FYTTD1: variants seen among roughly 807,000 people sequenced by gnomAD.
FYTTD1 encodes the protein UAP56-interacting factor.
FYTTD1 carries 22 observed loss-of-function variants against 40.9 expected under a neutral mutation model. That is an observed-to-expected ratio of 0.54 (90% CI 0.38 to 0.77). FYTTD1 has a LOEUF of 0.77. FYTTD1 is among the 30% of genes least tolerant of loss of function. The pLI is 0.00. For missense variants in FYTTD1, 351 were observed against 392.2 expected, an observed-to-expected ratio of 0.90 and a Z score of 0.89; for synonymous variants, 140 against 137.9, an observed-to-expected ratio of 1.01 and a Z score of -0.10.
intron 2 of FYTTD1, among the ~76,000 whole-genome samples, chr3:197,764,463 A>G (rs902911275): frequency 6.6e-6 from 1 of 152,214 alleles, no homozygotes; most frequent in African/African-American, 2.4e-5. Flanking sequence ...TAATCCCAGC[A>G]CTTTGGGAGG....
chr3:197,781,688 A>C, intron 8 of FYTTD1, 123 bp from the exon 9 acceptor site: 1 of 645,860 alleles, frequency 1.5e-6, no homozygotes, highest in South Asian at 2.2e-5. Flanking sequence ...TATTTAGGAA[A>C]TTTTAGCTGT....
intron 8 of FYTTD1, among the ~76,000 whole-genome samples, chr3:197,781,553 C>T (rs1460848726): frequency 1.3e-5 from 2 of 152,032 alleles, no homozygotes; most frequent in African/African-American, 4.8e-5. Flanking sequence ...GAGTTGGTGG[C>T]AGTGTTTACA....
intron 4 of FYTTD1, among the ~76,000 whole-genome samples, chr3:197,770,499 TGG>T (rs974678403): frequency 6.6e-6 from 1 of 152,216 alleles, no homozygotes; most frequent in African/African-American, 2.4e-5. Context: ...CTTTGACATA[TGG>T]AATAAAATTG....
At chr3:197,773,606 C>A in intron 5 of FYTTD1, 107 bp downstream of exon 5, 1 of 644,488 alleles carries the variant, frequency 1.6e-6, no homozygotes, top group South Asian at 1.9e-5. Flanking sequence ...GCATTGGGTT[C>A]AGGATGTGAG....
intron 2 of FYTTD1, among the ~76,000 whole-genome samples, chr3:197,760,872 T>C (rs1729363713): frequency 6.7e-6 from 1 of 148,960 alleles, no homozygotes; most frequent in African/African-American, 2.6e-5. Context: ...ATAGAATTGT[T>C]CTTCAGTGGT....
chr3:197,769,922 G>A (rs368224188), intron 3 of FYTTD1, among the ~76,000 whole-genome samples: 4 of 152,044 alleles, frequency 2.6e-5, no homozygotes, highest in South Asian at 4.1e-4. Context: ...TGGGTCCCCC[G>A]AGTACCTCAC....
intron 2 of FYTTD1, among the ~76,000 whole-genome samples, chr3:197,764,663 C>T (rs1184315603): frequency 7.0e-6 from 1 of 142,950 alleles, no homozygotes; most frequent in African/African-American, 2.6e-5. Flanking sequence ...GAGCCGAGAT[C>T]GCGCCGCTAC....
chr3:197,772,146 CCAT>C (rs1303285998), intron 4 of FYTTD1, among the ~76,000 whole-genome samples: 2 of 152,060 alleles, frequency 1.3e-5, no homozygotes, highest in Admixed American at 6.6e-5. Context: ...GCAGTTTTAA[CCAT>C]CATCTTTTGG....
intron 1 of FYTTD1, among the ~76,000 whole-genome samples, chr3:197,754,526 T>A (rs1381885081): frequency 6.6e-6 from 1 of 152,156 alleles, no homozygotes; most frequent in Non-Finnish European, 1.5e-5. Context: ...ACAAAAAAAT[T>A]GAGTTTAATT....
rs549510461 is a variant in FYTTD1 at position 197,766,897 on chromosome 3, T to A, written c.236-1542T>A. Among the ~76,000 whole-genome samples, 3 of 152,258 alleles carry A rather than the reference T, an allele frequency of 2.0e-5. 1 individual carries two copies. In the South Asian group the frequency reaches 6.2e-4, roughly 32 times the overall value. On this transcript the variant is annotated intron_variant, in intron 2 of 8. Coordinates refer to ENST00000241502, the MANE Select transcript of FYTTD1 (RefSeq NM_032288.7). ...TAGTCTTGAGTTGCTTAAAAATAGT[T>A]AAAACCAAAAATGTTAACTTTTAAA...
chr3:197,782,383 G>GTTCTGT lies in FYTTD1; in HGVS notation c.*474_*475insTTCTGT. 1.3e-5 allele frequency: 2 copies of GTTCTGT among 152,222 alleles called. No homozygotes were observed. Among genetic ancestry groups the GTTCTGT allele is most frequent in the Non-Finnish European group, 2.9e-5 (2 of 68,098 alleles). The allele number at this position is 152,222 out of a possible 1,614,324, so 9.4% of individuals were successfully genotyped here. A position where few individuals can be genotyped will look rare whatever the true frequency, so the allele number is the denominator to read the frequency against. ...TTGCCTTTTCTTCATTAGAGACACA[G>GTTCTGT]AACAATGTATTAGAATTTCCAGCTG... On this transcript the variant is annotated 3_prime_UTR_variant, in exon 9 of 9. Coordinates refer to ENST00000241502, the MANE Select transcript of FYTTD1 (RefSeq NM_032288.7).
chr3:197,787,355 C>CT lies in FYTTD1; in HGVS notation c.*5447dup, dbSNP rs1258203505. 3.3e-5 allele frequency: 5 copies of CT among 152,290 alleles called. No individual in the cohort carries two copies. Among genetic ancestry groups the CT allele is most frequent in the African/African-American group, 1.2e-4 (5 of 41,432 alleles). The allele number at this position is 152,290 out of a possible 1,614,324, so 9.4% of individuals were successfully genotyped here. A position where few individuals can be genotyped will look rare whatever the true frequency, so the allele number is the denominator to read the frequency against. On this transcript the variant is annotated 3_prime_UTR_variant, in exon 9 of 9. Transcript: ENST00000241502. ...CTGACCTCAGGTGATATGCCCGCCT[C>CT]TGACTCCCAAAGTGCTGGGATTACA...
Position 197,770,216 on chromosome 3 carries a change from C to A in FYTTD1, c.469C>A (p.Leu157Ile), listed in dbSNP as rs1179390070. ...AGGGCAGAGGAAACCAGTAGCAGTT[C>A]TCAAGAGACCTAGCCAGCTAAGCAG... ...NEGQRKPVAVLKRPSQLSRKN... is the reference protein window; with the variant it reads ...NEGQRKPVAVIKRPSQLSRKN... The change falls in exon 4 of 9, where the codon CTC (leucine) becomes ATC (isoleucine). Residue 157 changes from leucine (L) to isoleucine (I), a missense_variant. Physicochemically the swap from Leu to Ile is conservative, Grantham distance 5. Transcript: ENST00000241502. The A allele has an allele frequency of 6.2e-7, 1 of 1,611,398 alleles. No individual in the cohort carries two copies. Among genetic ancestry groups the A allele is most frequent in the Non-Finnish European group, 8.5e-7 (1 of 1,178,090 alleles).
At chr3:197,761,598 G>T (rs1252034153) in intron 2 of FYTTD1, among the ~76,000 whole-genome samples, 1 of 152,162 alleles carries the variant, frequency 6.6e-6, no homozygotes, top group African/African-American at 2.4e-5. Context: ...TTGTTCTTCA[G>T]TGTTAGAATG....
intron 3 of FYTTD1, 135 bp from the exon 4 acceptor site, chr3:197,769,993 GTTGT>G (rs894259710): frequency 8.9e-5 from 55 of 616,844 alleles, no homozygotes; most frequent in African/African-American, 8.0e-4. Flanking sequence ...ACAGTTTCAA[GTTGT>G]TTGTTTCTCC....
chr3:197,787,022 C>G lies in FYTTD1; in HGVS notation c.*5113C>G, dbSNP rs933618479. 1.3e-5 allele frequency: 2 copies of G among 151,966 alleles called. No homozygotes were observed. Among genetic ancestry groups the G allele is most frequent in the African/African-American group, 4.8e-5 (2 of 41,360 alleles). 9.4% of individuals were successfully genotyped at this position (151,966 alleles called of 1,614,324 possible). ...CCATGTTGGCCAGGCTGGTCTCGAA[C>G]TCCTACCCTCAGGAGATCTGCCTGC... On this transcript the variant is annotated 3_prime_UTR_variant, in exon 9 of 9. Transcript: ENST00000241502.
intron 2 of FYTTD1, among the ~76,000 whole-genome samples, chr3:197,764,657 C>T (rs1006700892): frequency 4.1e-5 from 6 of 147,200 alleles, no homozygotes; most frequent in Admixed American, 6.9e-5. Flanking sequence ...TGCAGTGAGC[C>T]GAGATCGCGC....
chr3:197,749,979 G>C lies in FYTTD1; in HGVS notation c.8G>C (p.Arg3Pro), dbSNP rs866742144. ...GGCGCGACGTCTCCAGCCATGAACC[G>C]GTTTGGTACCCGGTTGGTGGGAGCC... Reference protein sequence around the residue: MNRFGTRLVGATA... With the variant: MNPFGTRLVGATA... Residue 3 changes from arginine (R) to proline (P), a missense_variant, in exon 1 of 9, where the codon CGG (arginine) becomes CCG (proline). Arg to Pro is a moderately radical substitution (Grantham distance 103). Transcript: ENST00000241502. 1 of 1,581,112 alleles carries C rather than the reference G, an allele frequency of 6.3e-7. No homozygotes were observed. The highest frequency in any genetic ancestry group is 8.6e-7 in the Non-Finnish European group (1 of 1,165,664).
chr3:197,774,999 A>G (rs1391029886), intron 6 of FYTTD1, among the ~76,000 whole-genome samples: 1 of 152,212 alleles, frequency 6.6e-6, no homozygotes, highest in Non-Finnish European at 1.5e-5. Context: ...CGATATTGTA[A>G]CAGTTTTAGT....
Sources: allele counts gnomAD v4.1 joint callset (sites outside exome capture counted in the v4.1 genomes callset), GRCh38; gene constraint gnomAD v4.1.1; transcripts MANE v1.5; gene names NCBI Gene and HGNC (gene_info 2026-07-23, HGNC 2026-07-21).